CDC14A: variants seen among roughly 807,000 people sequenced by gnomAD.
CDC14A encodes cell division cycle 14A, also known as dual specificity protein phosphatase CDC14A.
CDC14A carries 53 observed loss-of-function variants against 74.4 expected under a neutral mutation model. The observed-to-expected ratio is 0.71, with a 90% confidence interval of 0.57 to 0.89. CDC14A has a LOEUF of 0.89. CDC14A is among the 40% of genes least tolerant of loss of function. The pLI is 0.00. For missense variants in CDC14A, 646 were observed against 713.7 expected, an observed-to-expected ratio of 0.91 and a Z score of 1.08; for synonymous variants, 247 against 258.4, an observed-to-expected ratio of 0.96 and a Z score of 0.43.
chr1:100,392,957 G>A, intron 4 of CDC14A: 5 of 971,218 alleles, frequency 5.1e-6, no homozygotes, highest in Non-Finnish European at 7.7e-6. Flanking sequence ...GGAAGTTGCT[G>A]TTGTCCTTAA....
chr1:100,363,496 A>G (rs1309666351), intron 2 of CDC14A, among the ~76,000 whole-genome samples: 4 of 152,190 alleles, frequency 2.6e-5, no homozygotes, highest in Admixed American at 2.6e-4. Flanking sequence ...TATAAGAAAT[A>G]ATTTGTGTAA....
intron 5 of CDC14A, among the ~76,000 whole-genome samples, chr1:100,429,074 T>C (rs9726299): frequency 0.02 from 3,006 of 151,960 alleles, 110 homozygotes; most frequent in African/African-American, 0.069. Flanking sequence ...CATGGTGGCA[T>C]GTGCCTGTAG....
rs1275722159 is a variant in CDC14A, at chr1:100,519,738, A to G, written c.*1458A>G. 1.3e-5 allele frequency: 2 copies of G among 152,636 alleles called. No homozygotes were observed. The highest frequency in any genetic ancestry group is 4.8e-5 in the African/African-American group (2 of 41,466). 9.5% of individuals were successfully genotyped at this position (152,636 alleles called of 1,614,324 possible). ...CCAAAAATTACACTCAACTGATGAAAAAAACGAATTGTATGATTTAGGAAT... is the reference window on the plus strand; with the variant it reads ...CCAAAAATTACACTCAACTGATGAAGAAAACGAATTGTATGATTTAGGAAT... On this transcript the variant is annotated 3_prime_UTR_variant, in exon 16 of 16. Transcript: ENST00000336454.
intron 4 of CDC14A, among the ~76,000 whole-genome samples, chr1:100,403,923 ACAT>A (rs1206470164): frequency 6.6e-6 from 1 of 152,174 alleles, no homozygotes; most frequent in African/African-American, 2.4e-5. Context: ...TCACCTCAAG[ACAT>A]CGAATCTTAA....
intron 14 of CDC14A, among the ~76,000 whole-genome samples, chr1:100,498,496 C>T (rs569097022): frequency 6.6e-6 from 1 of 152,294 alleles, no homozygotes; most frequent in Admixed American, 6.5e-5. Context: ...TGTCATTTCT[C>T]AGCTGACACG....
chr1:100,369,960 G>A (rs1249205591), intron 2 of CDC14A, among the ~76,000 whole-genome samples: 1 of 150,722 alleles, frequency 6.6e-6, no homozygotes, highest in African/African-American at 2.4e-5. Context: ...ATAGATGTAT[G>A]CCACCACACC....
rs201170562 is a variant in CDC14A at position 100,508,296 on chromosome 1, G to GAT, written c.1755+9047_1755+9048dup. Among the ~76,000 whole-genome samples, 28 of 150,178 alleles carry GAT rather than the reference G, an allele frequency of 1.9e-4. No individual in the cohort carries two copies. The highest frequency in any genetic ancestry group is 4.7e-4 in the Admixed American group (7 of 15,052). The stretch of plus-strand genomic sequence containing the variant: ...TTTTATATGTGTGTGTATATATATA[G>GAT]ATATATATATATATTTTTTTCACTT... On this transcript the variant is annotated intron_variant, in intron 15 of 15. Transcript: ENST00000336454. This position sits in a 1 kb window ranked among gnomAD's most constrained non-coding sequence, Gnocchi z 4.4.
rs28364920 is a variant in CDC14A at position 100,517,735 on chromosome 1, C to T, written c.1756-516C>T. Among the ~76,000 whole-genome samples the T allele has an allele frequency of 9.5e-3, 1,441 of 152,258 alleles. 21 individuals are homozygous for T. The highest frequency in any genetic ancestry group is 0.033 in the African/African-American group (1,371 of 41,540). On this transcript the variant is annotated intron_variant, in intron 15 of 15. Transcript: ENST00000336454. ...ATTTCAAGCTGGTAGTACTTCATTTCCCCTTAAGGGAAAGGATGTGTAAGA... is the reference window on the plus strand; with the variant it reads ...ATTTCAAGCTGGTAGTACTTCATTTTCCCTTAAGGGAAAGGATGTGTAAGA...
At chr1:100,511,832 T>C (rs570740863) in intron 15 of CDC14A, among the ~76,000 whole-genome samples, 10 of 152,338 alleles carry the variant, frequency 6.6e-5, no homozygotes, top group African/African-American at 2.4e-4. Context: ...ATCTTTCCTC[T>C]ATACTGTTGC....
intron 4 of CDC14A, among the ~76,000 whole-genome samples, chr1:100,416,648 C>T (rs567699052): frequency 1.3e-5 from 2 of 152,098 alleles, no homozygotes; most frequent in South Asian, 4.2e-4. Flanking sequence ...CAGTGTGGGT[C>T]CAGATTCACC....
chr1:100,447,241 G>A (rs1039743059), intron 7 of CDC14A, among the ~76,000 whole-genome samples: 2 of 152,190 alleles, frequency 1.3e-5, no homozygotes, highest in African/African-American at 4.8e-5. Context: ...AGATACCTCA[G>A]GCTCTTGCTT....
chr1:100,472,361 G>A (rs746127073), intron 10 of CDC14A, among the ~76,000 whole-genome samples: 28 of 152,184 alleles, frequency 1.8e-4, no homozygotes, highest in Non-Finnish European at 3.5e-4. Context: ...GTTCTCATCA[G>A]CAATGGTTTG....
chr1:100,359,580 A>AT (rs979596034), intron 2 of CDC14A, among the ~76,000 whole-genome samples: 6 of 151,864 alleles, frequency 4.0e-5, no homozygotes, highest in Admixed American at 3.3e-4. Flanking sequence ...TAATTTAAAC[A>AT]TTTTTCTTTG....
intron 15 of CDC14A, among the ~76,000 whole-genome samples, chr1:100,500,497 C>T (rs942416352): frequency 1.3e-5 from 2 of 151,938 alleles, no homozygotes; most frequent in African/African-American, 4.8e-5. Context: ...GTGGCTCATG[C>T]CTATAATCCC....
intron 3 of CDC14A, 34 bp downstream of exon 3, chr1:100,377,655 T>A: frequency 6.6e-7 from 1 of 1,512,314 alleles, no homozygotes; most frequent in Non-Finnish European, 9.2e-7. Context: ...AATTTGGAAT[T>A]AAAACATTTG....
rs562444658 is a variant in CDC14A, at chr1:100,436,515, C to T, written c.390-3417C>T. Among the ~76,000 whole-genome samples, 10 of 152,066 alleles carry T rather than the reference C, an allele frequency of 6.6e-5. No individual in the cohort carries two copies. The South Asian group carries it at 1.9e-3, about 28-fold the overall frequency. On this transcript the variant is annotated intron_variant, in intron 5 of 15. Coordinates refer to ENST00000336454, the MANE Select transcript of CDC14A (RefSeq NM_003672.4). ...TCTTGGCTCACTGCAACCTCTGCCT[C>T]CCGGGTTCAAGCTATTCTCCTGCCT...
chr1:100,481,332 A>G, intron 10 of CDC14A, among the ~76,000 whole-genome samples: 1 of 152,098 alleles, frequency 6.6e-6, no homozygotes, highest in East Asian at 1.9e-4. Context: ...GGATAAAGAT[A>G]AAGAGTTCGG....
At chr1:100,374,736 G>A (rs1378191897) in intron 2 of CDC14A, among the ~76,000 whole-genome samples, 1 of 152,188 alleles carries the variant, frequency 6.6e-6, no homozygotes, top group Non-Finnish European at 1.5e-5. Flanking sequence ...ACATAGTTAT[G>A]ATAGTGTCAT....
intron 9 of CDC14A, among the ~76,000 whole-genome samples, chr1:100,463,484 C>T (rs1244996694): frequency 6.6e-6 from 1 of 152,172 alleles, no homozygotes; most frequent in African/African-American, 2.4e-5. Context: ...AATCTCTGAT[C>T]TCTGGGGGTG....
Sources: gnomAD v4.1 joint callset for allele counts (sites outside exome capture counted in the v4.1 genomes callset) on GRCh38, gnomAD v4.1.1 for gene constraint, Gnocchi (gnomAD v3.1) non-coding constraint, MANE v1.5 for transcripts, NCBI Gene and HGNC (gene_info 2026-07-23, HGNC 2026-07-21) for gene names.